Variants in URM1 observed in about 807,000 individuals in gnomAD.
URM1 encodes the protein ubiquitin related modifier 1, also known as ubiquitin-related modifier 1.
Under a neutral mutation model 17.7 loss-of-function variants are expected in URM1, and 11 were observed. The ratio of observed to expected loss-of-function variants is 0.62; its 90% CI spans 0.39 to 1.03. The LOEUF (loss-of-function observed/expected upper bound fraction) is 1.03. Among genes scored for constraint, URM1 ranks in the 50% least tolerant of loss-of-function variants. The pLI, the probability that URM1 is intolerant of heterozygous loss-of-function variation, is 0.00. For synonymous variants in URM1, 48 were observed against 50.6 expected (o/e 0.95, Z 0.22); for missense variants, 128 against 129.2 (o/e 0.99, Z 0.04).
intron 2 of URM1, among the ~76,000 whole-genome samples, chr9:128,386,588 C>T (rs929048505): frequency 2.0e-5 from 3 of 152,348 alleles, no homozygotes; most frequent in Admixed American, 6.5e-5. Context: ...AGGGGGCACG[C>T]GTGCCAGCCA....
chr9:128,391,489 C>T lies in URM1; in HGVS notation c.*1755C>T, dbSNP rs1588591018. On this transcript the variant is annotated 3_prime_UTR_variant, in exon 5 of 5. Transcript: ENST00000372853. ...ACCAACCCTCACTAGTTCCTGAGGT[C>T]AGGGTCTCCATGTTAGGGAACAGAG... 2 of 152,356 alleles carry T rather than the reference C, an allele frequency of 1.3e-5. No homozygotes were observed. Among genetic ancestry groups the T allele is most frequent in the Middle Eastern group, 6.8e-3 (2 of 296 alleles). 9.4% of individuals were successfully genotyped at this position (152,356 alleles called of 1,614,324 possible).
At chr9:128,377,415 G>A (rs1833092067) in intron 1 of URM1, among the ~76,000 whole-genome samples, 1 of 152,136 alleles carries the variant, frequency 6.6e-6, no homozygotes, top group Non-Finnish European at 1.5e-5. Context: ...GCTCATGACT[G>A]TAATTCCAGC....
chr9:128,371,727 G>A (rs542825039), intron 1 of URM1, among the ~76,000 whole-genome samples: 23 of 152,286 alleles, frequency 1.5e-4, no homozygotes, highest in African/African-American at 4.8e-4. Flanking sequence ...TTCCTATCTC[G>A]GACCAATCCC....
Position 128,389,681 on chromosome 9 carries a change from C to G in URM1, c.253C>G (p.Gln85Glu). 1 of 1,613,542 alleles carries G rather than the reference C, an allele frequency of 6.2e-7. No homozygotes were observed. Among genetic ancestry groups the G allele is most frequent in the Non-Finnish European group, 8.5e-7 (1 of 1,179,996 alleles). ...CCCGCACCAGGGTGAGCTGGACTAC[C>G]AGCTTCAGGACCAGGACAGCGTCCT... is the stretch of plus-strand genomic sequence containing the variant. ...DWELLGELDY[Q>E]LQDQDSVLFI... Residue 85 changes from glutamine (Q) to glutamate (E), a missense_variant, in exon 5 of 5, where the codon CAG becomes GAG. Coordinates refer to ENST00000372853, the MANE Select transcript of URM1 (RefSeq NM_030914.4).
chr9:128,373,872 C>T (rs1035214856), intron 1 of URM1, among the ~76,000 whole-genome samples: 2 of 152,056 alleles, frequency 1.3e-5, no homozygotes, highest in African/African-American at 4.8e-5. Context: ...GCTTGCAGCC[C>T]AGCAGGTGGA....
At chr9:128,388,025 G>A in intron 3 of URM1, 128 bp downstream of exon 3, 2 of 1,422,846 alleles carry the variant, frequency 1.4e-6, no homozygotes, top group Non-Finnish European at 1.8e-6. Flanking sequence ...AACTCTTCCA[G>A]CTCTGAGATC....
chr9:128,385,212 T>C (rs1833210977), intron 2 of URM1, among the ~76,000 whole-genome samples: 1 of 152,158 alleles, frequency 6.6e-6, no homozygotes. Context: ...CCATGTGTTA[T>C]CCTTCTGTCC....
At chr9:128,384,556 A>AT (rs1833202504) in intron 2 of URM1, among the ~76,000 whole-genome samples, 1 of 152,122 alleles carries the variant, frequency 6.6e-6, no homozygotes, top group African/African-American at 2.4e-5. Flanking sequence ...TCCCAGCACT[A>AT]TCTGATTAAT....
intron 3 of URM1, 36 bp from the exon 4 acceptor site, chr9:128,389,225 C>T: frequency 1.3e-6 from 2 of 1,568,924 alleles, no homozygotes; most frequent in Non-Finnish European, 1.7e-6. Context: ...CCTCCTGCCT[C>T]TCACTCCTTG....
chr9:128,388,930 G>A (rs146632755), intron 3 of URM1: 32 of 1,123,144 alleles, frequency 2.8e-5, no homozygotes, highest in Non-Finnish European at 3.2e-5. Context: ...TTTCGTTTTC[G>A]TATAGGCCTT....
At chr9:128,388,478 GCCAGT>G in intron 3 of URM1, 1 of 986,096 alleles carries the variant, frequency 1.0e-6, no homozygotes, top group Non-Finnish European at 1.2e-6. Flanking sequence ...CTAAAACAAG[GCCAGT>G]CCCCCACGTG....
intron 1 of URM1, among the ~76,000 whole-genome samples, chr9:128,373,222 C>CAGCG (rs1833035298): frequency 6.9e-6 from 1 of 144,456 alleles, no homozygotes; most frequent in South Asian, 2.3e-4. Context: ...TGTCACAGCA[C>CAGCG]AGCGTTCCAT....
chr9:128,383,619 A>G (rs1273188155), intron 2 of URM1, among the ~76,000 whole-genome samples: 1 of 152,184 alleles, frequency 6.6e-6, no homozygotes, highest in Non-Finnish European at 1.5e-5. Context: ...ACAGGAAGAC[A>G]GATTTCTGCT....
chr9:128,382,119 C>T (rs555220047), intron 2 of URM1, among the ~76,000 whole-genome samples: 118 of 152,300 alleles, frequency 7.7e-4, no homozygotes, highest in Non-Finnish European at 1.0e-3. Context: ...AGGGGCCTAT[C>T]CCCACTCTGG....
chr9:128,388,842 A>T (rs1833264507), intron 3 of URM1: 1 of 998,572 alleles, frequency 1.0e-6, no homozygotes, highest in East Asian at 1.1e-4. Context: ...GGCTAACGAG[A>T]ATAAGATTAG....
intron 1 of URM1, 23 bp downstream of exon 1, chr9:128,371,438 C>A: frequency 6.2e-7 from 1 of 1,609,814 alleles, no homozygotes. Flanking sequence ...GCTGGGGCGC[C>A]GTGGGGATGG....
At position 128,389,668 on chromosome 9, in the gene URM1, T is replaced by C; in HGVS notation, c.240T>C (p.Gly80=). 1 of 1,613,100 alleles carries C rather than the reference T, an allele frequency of 6.2e-7. No individual in the cohort carries two copies. The highest frequency in any genetic ancestry group is 8.5e-7 in the Non-Finnish European group (1 of 1,179,664). Residue 80 remains glycine (G), a splice_region_variant and synonymous_variant, in exon 5 of 5, where the codon GGT becomes GGC. Coordinates refer to ENST00000372853, the MANE Select transcript of URM1 (RefSeq NM_030914.4). ...CGCTCCCCTCTCTCCCGCACCAGGG[T>C]GAGCTGGACTACCAGCTTCAGGACC... ...LINDADWELL[G]ELDYQLQDQD... is the part of the protein sequence containing the mutation.
chr9:128,372,586 T>C (rs1446922853), intron 1 of URM1, among the ~76,000 whole-genome samples: 1 of 152,178 alleles, frequency 6.6e-6, no homozygotes. Context: ...GTCTCATGAC[T>C]AAGTGCATTT....
rs754285035 is a variant in URM1, at chr9:128,378,045, G to A, written c.45G>A (p.Ala15=). Residue 15 remains alanine (A), a synonymous_variant, in exon 2 of 5, where the codon GCG becomes GCA. Transcript: ENST00000372853. ...LSVEVEFGGG[A]ELLFDGIKKH... ...TGGTCCTCCTTTGCAGAGGTGGTGC[G>A]GAGCTCCTGTTTGACGGTATTAAGA... 56 of 1,611,884 alleles carry A rather than the reference G, an allele frequency of 3.5e-5. No individual in the cohort carries two copies. Among genetic ancestry groups the A allele is most frequent in the Non-Finnish European group, 4.1e-5 (48 of 1,179,096 alleles).
Sources: allele counts gnomAD v4.1 joint callset (sites outside exome capture counted in the v4.1 genomes callset), GRCh38; gene constraint gnomAD v4.1.1; transcripts MANE v1.5; gene names NCBI Gene and HGNC (gene_info 2026-07-23, HGNC 2026-07-21).